The following FBXO9 variants were observed in gnomAD, a reference collection of about 807,000 sequenced individuals.
FBXO9 encodes the protein F-box only protein 9.
In FBXO9, 43 loss-of-function variants were observed where a neutral mutation model predicts 63.7. The observed-to-expected ratio is 0.67, with a 90% CI of 0.53 to 0.87. FBXO9 has a LOEUF of 0.87. Ranked by LOEUF, FBXO9 falls within the 40% of genes least tolerant of loss-of-function variation. The pLI is 0.00. For synonymous variants in FBXO9, 156 were observed against 171.7 expected, an observed-to-expected ratio of 0.91 and a Z score of 0.72; for missense variants, 442 against 533.2, an observed-to-expected ratio of 0.83 and a Z score of 1.68.
chr6:53,088,890 G>T (rs1474441712), intron 7 of FBXO9, among the ~76,000 whole-genome samples: 1 of 150,816 alleles, frequency 6.6e-6, no homozygotes, highest in African/African-American at 2.4e-5. Context: ...GTGAGCCACC[G>T]CACCTGGCCC....
At position 53,094,889 on chromosome 6, in the gene FBXO9, A is replaced by G. The variant is rs143573015; in HGVS notation, c.1054-624A>G. 8 of 253,594 alleles carry G rather than the reference A, an allele frequency of 3.2e-5. No individual in the cohort carries two copies. The East Asian group carries it at 9.0e-4, about 29-fold the overall frequency. 15.7% of individuals were successfully genotyped at this position (253,594 alleles called of 1,614,324 possible). ...GCCTTAGTTGCTCAGGTTTTATCTA[A>G]TTAAAAGAGTTTAGGAACTCCCATG... is the stretch of plus-strand genomic sequence containing the variant. On this transcript the variant is annotated intron_variant, in intron 11 of 12. Transcript: ENST00000323557.
chr6:53,080,926 T>C, intron 5 of FBXO9, 42 bp from the exon 6 acceptor site: 1 of 1,611,348 alleles, frequency 6.2e-7, no homozygotes, highest in South Asian at 1.1e-5. Context: ...ACTGTACGCT[T>C]GTAGACTGAG....
chr6:53,083,123 GAC>G (rs1195131806), intron 7 of FBXO9, among the ~76,000 whole-genome samples: 1 of 152,080 alleles, frequency 6.6e-6, no homozygotes, highest in Admixed American at 6.6e-5. Context: ...TTCCTTACAC[GAC>G]ACACAAAAAT....
Position 53,092,614 on chromosome 6 carries a change from G to A in FBXO9, c.772+67G>A, listed in dbSNP as rs531932784. 129 of 1,480,436 alleles carry A rather than the reference G, an allele frequency of 8.7e-5. No individual in the cohort carries two copies. The South Asian group carries it at 1.1e-3, about 12-fold the overall frequency. The allele number at this position is 1,480,436 out of a possible 1,614,324, so 91.7% of individuals were successfully genotyped here. A position where few individuals can be genotyped will look rare whatever the true frequency, so the allele number is the denominator to read the frequency against. On this transcript the variant is annotated intron_variant, in intron 8 of 12. Coordinates refer to ENST00000323557, the MANE Select transcript of FBXO9 (RefSeq NM_033480.3). Reference sequence around the variant, plus strand: ...TAATGCTGATTTTTATAAATACGCCGTTTAAATTTTCTGTGATGAATGTGA... The same window carrying A: ...TAATGCTGATTTTTATAAATACGCCATTTAAATTTTCTGTGATGAATGTGA...
At chr6:53,068,350 A>G (rs139339031) in intron 1 of FBXO9, among the ~76,000 whole-genome samples, 2 of 152,318 alleles carry the variant, frequency 1.3e-5, no homozygotes, top group Admixed American at 1.3e-4. Context: ...GCAAACATTT[A>G]TTGAGAATAA....
At chr6:53,088,292 AG>A (rs1762950741) in intron 7 of FBXO9, among the ~76,000 whole-genome samples, 1 of 152,336 alleles carries the variant, frequency 6.6e-6, no homozygotes, top group Non-Finnish European at 1.5e-5. Flanking sequence ...CAAAGTGTGA[AG>A]AAAAAAAATA....
rs888819418 is a variant in FBXO9, at chr6:53,098,165, A to T, written c.*335A>T. Reference sequence around the variant, plus strand: ...ATCATGCCCTTTTTCAAGCAGATTTATGAGCAGATTTCTGTCACATAAGTC... The same window carrying T: ...ATCATGCCCTTTTTCAAGCAGATTTTTGAGCAGATTTCTGTCACATAAGTC... On this transcript the variant is annotated 3_prime_UTR_variant, in exon 13 of 13. Transcript: ENST00000323557. 15 of 385,598 alleles carry T rather than the reference A, an allele frequency of 3.9e-5. No individual in the cohort carries two copies. The highest frequency in any genetic ancestry group is 3.0e-4 in the African/African-American group (14 of 47,286). 23.9% of individuals were successfully genotyped at this position (385,598 alleles called of 1,614,324 possible).
intron 7 of FBXO9, 149 bp downstream of exon 7, chr6:53,082,767 T>C (rs1159445685): frequency 6.7e-6 from 4 of 593,248 alleles, no homozygotes; most frequent in Non-Finnish European, 1.2e-5. Context: ...CTTAACTTTC[T>C]CAAATAACTT....
Position 53,065,708 on chromosome 6 carries a change from G to A in FBXO9, c.-82G>A, listed in dbSNP as rs1007877865. Reference sequence around the variant, plus strand: ...CAGAGACAGGCAGGAGTAGACACCCGGACACCCAGCACCCCTCCTCCGGGG... The same window carrying A: ...CAGAGACAGGCAGGAGTAGACACCCAGACACCCAGCACCCCTCCTCCGGGG... On this transcript the variant is annotated 5_prime_UTR_variant, in exon 1 of 13. Coordinates refer to ENST00000323557, the MANE Select transcript of FBXO9 (RefSeq NM_033480.3). 4.2e-6 allele frequency: 6 copies of A among 1,416,912 alleles called. No individual in the cohort carries two copies. In the Admixed American group the frequency reaches 1.6e-4, roughly 37 times the overall value. 87.8% of individuals were successfully genotyped at this position (1,416,912 alleles called of 1,614,324 possible).
In FBXO9 at chr6:53,076,536, C is replaced by T. The variant is rs1293240389; in HGVS notation, c.300C>T (p.Leu100=). Residue 100 remains leucine, a synonymous_variant, in exon 4 of 13, where the codon CTC becomes CTT. Transcript: ENST00000323557. ...KAVEEEQNGA[L]YEAIKFYRRA... Reference sequence around the variant, plus strand: ...TAGAAGAAGAACAAAATGGAGCTCTCTATGAAGGTAAAAATTCAGAGCCCA... The same window carrying T: ...TAGAAGAAGAACAAAATGGAGCTCTTTATGAAGGTAAAAATTCAGAGCCCA... 5.8e-6 allele frequency: 9 copies of T among 1,538,578 alleles called. No homozygotes were observed. Among genetic ancestry groups the T allele is most frequent in the African/African-American group, 1.4e-5 (1 of 69,920 alleles).
rs756720917 is a variant in FBXO9, at chr6:53,088,926, G to GT, written c.654-3490dup. ...TAGTGGTTTTTTTCTTTCTTTCTTTGTTTTTTTTTTTTTGAGACAGAGTCT... is the reference window on the plus strand; with the variant it reads ...TAGTGGTTTTTTTCTTTCTTTCTTTGTTTTTTTTTTTTTTGAGACAGAGTCT... On this transcript the variant is annotated intron_variant, in intron 7 of 12. Transcript: ENST00000323557. Among the ~76,000 whole-genome samples, 742 of 129,050 alleles carry GT rather than the reference G, an allele frequency of 5.7e-3. 6 individuals are homozygous for GT. The highest frequency in any genetic ancestry group is 0.026 in the East Asian group (114 of 4,324). The allele number at this position is 129,050 out of a possible 152,430, so 84.7% of individuals were successfully genotyped here.
In FBXO9 at chr6:53,076,464, T is replaced by G. The variant is rs546864290; in HGVS notation, c.250-22T>G. 7.1e-4 allele frequency: 1,060 copies of G among 1,499,826 alleles called. 5 individuals are homozygous for G. Among genetic ancestry groups the G allele is most frequent in the Non-Finnish European group, 2.9e-4 (326 of 1,127,074 alleles). The allele number at this position is 1,499,826 out of a possible 1,614,324, so 92.9% of individuals were successfully genotyped here. ...AATTTTTAATGCAGGTTTTCAAAAA[T>G]TTTTACTTTATATTTTTATAGGCTC... On this transcript the variant is annotated intron_variant, in intron 3 of 12. Coordinates refer to ENST00000323557, the MANE Select transcript of FBXO9 (RefSeq NM_033480.3).
rs761159029 is a variant in FBXO9, at chr6:53,075,734, A to ATTTTTTT, written c.250-750_250-749insTTTTTTT. ...TAATTGGATTACATATATATATATA[A>ATTTTTTT]TTATTTTTTTTTTTTTTTTTTTTTT... is the stretch of plus-strand genomic sequence containing the variant. On this transcript the variant is annotated intron_variant, in intron 3 of 12. Transcript: ENST00000323557. Among the ~76,000 whole-genome samples, 213 of 82,134 alleles carry ATTTTTTT rather than the reference A, an allele frequency of 2.6e-3. 21 individuals carry two copies. The highest frequency in any genetic ancestry group is 0.016 in the Middle Eastern group (1 of 64). The allele number at this position is 82,134 out of a possible 152,430, so 53.9% of individuals were successfully genotyped here.
At chr6:53,076,005 A>G (rs1284363174) in intron 3 of FBXO9, among the ~76,000 whole-genome samples, 3 of 151,972 alleles carry the variant, frequency 2.0e-5, no homozygotes, top group Non-Finnish European at 2.9e-5. Flanking sequence ...CAGCCTCCCA[A>G]AGTGCTGGGA....
In FBXO9 at chr6:53,095,501, T is replaced by G. The variant is rs1763184778; in HGVS notation, c.1054-12T>G. On this transcript the variant is annotated splice_polypyrimidine_tract_variant and intron_variant, in intron 11 of 12. Coordinates refer to ENST00000323557, the MANE Select transcript of FBXO9 (RefSeq NM_033480.3). ...AGGTTTCATTATAACTTATGCATCT[T>G]TTCTTTTGCAGAAACCACTTGACTA... The G allele has an allele frequency of 6.2e-7, 1 of 1,602,544 alleles. No individual in the cohort carries two copies.
chr6:53,077,505 T>C (rs1330316589), intron 4 of FBXO9, among the ~76,000 whole-genome samples: 1 of 122,412 alleles, frequency 8.2e-6, no homozygotes, highest in East Asian at 2.4e-4. Flanking sequence ...AAAAAAGAAA[T>C]ATGTGGTAAT....
upstream of FBXO9, chr6:53,065,257 G>A (rs1768642512): frequency 1.3e-5 from 2 of 152,920 alleles, no homozygotes; most frequent in African/African-American, 2.4e-5. Context: ...CCAACACGCG[G>A]GTTGGGCTTG....
At chr6:53,083,159 T>C (rs1000501944) in intron 7 of FBXO9, among the ~76,000 whole-genome samples, 1 of 152,244 alleles carries the variant, frequency 6.6e-6, no homozygotes, top group African/African-American at 2.4e-5. Context: ...ATTAAAGACT[T>C]AAATGTAAAA....
chr6:53,091,243 A>G (rs892011550), intron 7 of FBXO9: 1 of 152,270 alleles, frequency 6.6e-6, no homozygotes, highest in Non-Finnish European at 1.5e-5. Flanking sequence ...CGTGGACAAC[A>G]TAGTGAGACC....
Sources: gnomAD v4.1 joint callset for allele counts (sites outside exome capture counted in the v4.1 genomes callset) on GRCh38, gnomAD v4.1.1 for gene constraint, MANE v1.5 for transcripts, NCBI Gene and HGNC (gene_info 2026-07-23, HGNC 2026-07-21) for gene names.